The following MAP3K7CL variants were observed in gnomAD, a reference collection of about 807,000 sequenced individuals.
MAP3K7CL encodes MAP3K7 C-terminal-like protein.
A neutral mutation model predicts 18.6 loss-of-function variants in MAP3K7CL; 16 were observed. The observed-to-expected ratio is 0.86, with a 90% confidence interval of 0.58 to 1.31. The LOEUF is 1.31. MAP3K7CL is among the 50% of genes most tolerant of loss of function. The probability of loss-of-function intolerance (pLI) is 0.00; values close to 1 mark genes in which losing one functional copy is unlikely to be tolerated. For missense variants in MAP3K7CL, 163 were observed against 174.4 expected (o/e 0.93, Z 0.37); for synonymous variants, 65 against 66.8 (o/e 0.97, Z 0.13).
chr21:29,114,622 C>T (rs945399458), intron 4 of MAP3K7CL, among the ~76,000 whole-genome samples: 1 of 152,126 alleles, frequency 6.6e-6, no homozygotes, highest in Non-Finnish European at 1.5e-5. Flanking sequence ...AACTCCTGGG[C>T]TCAAAAGATC....
chr21:29,165,937 C>T (rs919051251), intron 4 of MAP3K7CL, among the ~76,000 whole-genome samples: 2 of 152,182 alleles, frequency 1.3e-5, no homozygotes, highest in African/African-American at 4.8e-5. Context: ...CATACATGGA[C>T]ACATTGTGTA....
upstream of MAP3K7CL, among the ~76,000 whole-genome samples, chr21:29,083,913 A>C (rs1250829799): frequency 1.3e-5 from 2 of 148,708 alleles, no homozygotes; most frequent in Non-Finnish European, 3.0e-5. Context: ...TAATATATAT[A>C]TCTCTGTTTT....
chr21:29,124,310 C>T (rs752769250), intron 4 of MAP3K7CL, among the ~76,000 whole-genome samples: 9 of 143,198 alleles, frequency 6.3e-5, no homozygotes, highest in Non-Finnish European at 1.0e-4. Flanking sequence ...GCCGATATCG[C>T]GCCACTGTGC....
chr21:29,121,108 A>G (rs1430442198), intron 4 of MAP3K7CL, among the ~76,000 whole-genome samples: 1 of 133,716 alleles, frequency 7.5e-6, no homozygotes, highest in African/African-American at 2.7e-5. Flanking sequence ...ACCCAACTTC[A>G]TTCATGAAAC....
chr21:29,112,944 G>T (rs1402649044), intron 4 of MAP3K7CL, among the ~76,000 whole-genome samples: 2 of 152,018 alleles, frequency 1.3e-5, no homozygotes, highest in Admixed American at 1.3e-4. Flanking sequence ...GAGTTGCTGA[G>T]ATTACAGGCC....
At chr21:29,120,574 T>C (rs1428960062) in intron 4 of MAP3K7CL, among the ~76,000 whole-genome samples, 2 of 152,238 alleles carry the variant, frequency 1.3e-5, no homozygotes, top group African/African-American at 4.8e-5. Context: ...AATTCATTTC[T>C]CATCACCTTA....
intron 1 of MAP3K7CL, among the ~76,000 whole-genome samples, chr21:29,131,886 A>C (rs759087509): frequency 1.3e-5 from 2 of 152,198 alleles, no homozygotes; most frequent in Non-Finnish European, 2.9e-5. Flanking sequence ...TCTGGACACT[A>C]TTTTTAGATA....
At chr21:29,103,916 A>G (rs1270569945) in intron 4 of MAP3K7CL, among the ~76,000 whole-genome samples, 2 of 152,120 alleles carry the variant, frequency 1.3e-5, no homozygotes, top group Admixed American at 1.3e-4. Context: ...AACTAAACTA[A>G]ACTAAAATAA....
At chr21:29,105,912 T>C (rs1435958099) in intron 4 of MAP3K7CL, among the ~76,000 whole-genome samples, 25 of 152,166 alleles carry the variant, frequency 1.6e-4, no homozygotes, top group East Asian at 1.9e-4. Flanking sequence ...TTATGAATTC[T>C]TTTTCTTAAA....
At chr21:29,104,622 C>T (rs182497822) in intron 4 of MAP3K7CL, among the ~76,000 whole-genome samples, 3 of 152,342 alleles carry the variant, frequency 2.0e-5, no homozygotes, top group Admixed American at 6.5e-5. Flanking sequence ...AAACCTGACA[C>T]TGTCCTGAGC....
intron 2 of MAP3K7CL, among the ~76,000 whole-genome samples, chr21:29,148,174 G>A (rs1415804507): frequency 6.6e-6 from 1 of 151,696 alleles, no homozygotes; most frequent in African/African-American, 2.4e-5. Flanking sequence ...TACCTGTACT[G>A]TATGTATATG....
chr21:29,085,917 G>A (rs375020402), exon 1 of MAP3K7CL: 10 of 1,613,966 alleles, frequency 6.2e-6, no homozygotes, highest in South Asian at 5.5e-5. Flanking sequence ...CAGATCTTAA[G>A]GTATGTCCGC....
rs773937660 is a variant in MAP3K7CL at position 29,085,958 on chromosome 21, G to A, written c.57+41G>A. ...CCCAACCCCTTCCTGTAAAACTGTCGACTATAATCCTGTTTTCAGTGAAAA... is the reference window on the plus strand; with the variant it reads ...CCCAACCCCTTCCTGTAAAACTGTCAACTATAATCCTGTTTTCAGTGAAAA... On this transcript the variant is annotated intron_variant, in intron 1 of 6. Coordinates refer to the MAP3K7CL transcript ENST00000286791. 5 of 1,607,328 alleles carry A rather than the reference G, an allele frequency of 3.1e-6. No individual in the cohort carries two copies. In the South Asian group the frequency reaches 3.3e-5, roughly 11 times the overall value.
chr21:29,144,148 G>A (rs2087072324), intron 2 of MAP3K7CL, among the ~76,000 whole-genome samples: 1 of 151,328 alleles, frequency 6.6e-6, no homozygotes, highest in Non-Finnish European at 1.5e-5. Context: ...ATGTTTTAGG[G>A]AATTTTTTTT....
At chr21:29,120,544 A>G (rs1403271452) in intron 4 of MAP3K7CL, among the ~76,000 whole-genome samples, 1 of 152,154 alleles carries the variant, frequency 6.6e-6, no homozygotes, top group East Asian at 1.9e-4. Flanking sequence ...AGTGTCTGGG[A>G]CATAGTATTT....
intron 3 of MAP3K7CL, among the ~76,000 whole-genome samples, chr21:29,151,594 T>C (rs2087277082): frequency 6.6e-6 from 1 of 152,284 alleles, no homozygotes; most frequent in Admixed American, 6.5e-5. Flanking sequence ...AAAGCTATTT[T>C]ATTATCACGG....
chr21:29,134,426 A>C (rs1349501166), intron 2 of MAP3K7CL, among the ~76,000 whole-genome samples: 1 of 152,214 alleles, frequency 6.6e-6, no homozygotes, highest in Non-Finnish European at 1.5e-5. Context: ...GCTCTGTGAA[A>C]TCTGATGTCA....
intron 3 of MAP3K7CL, among the ~76,000 whole-genome samples, chr21:29,158,123 C>G (rs543985547): frequency 6.6e-6 from 1 of 152,274 alleles, no homozygotes; most frequent in South Asian, 2.1e-4. Context: ...ACAGATGATT[C>G]AACAGCTTGG....
intron 1 of MAP3K7CL, chr21:29,086,026 C>CT (rs2085919795): frequency 1.6e-6 from 2 of 1,232,810 alleles, no homozygotes; most frequent in Non-Finnish European, 2.4e-6. Flanking sequence ...AGAAATGGAC[C>CT]TTGGAAGTCT....
Sources: allele counts gnomAD v4.1 joint callset (sites outside exome capture counted in the v4.1 genomes callset), GRCh38; gene constraint gnomAD v4.1.1; transcripts MANE v1.5; gene names NCBI Gene and HGNC (gene_info 2026-07-23, HGNC 2026-07-21).